Variants in AKR1B15 observed in about 807,000 individuals in gnomAD.
The protein encoded by AKR1B15 is estradiol 17-beta-dehydrogenase AKR1B15.
In AKR1B15, 49 loss-of-function variants were observed where a neutral mutation model predicts 38.5. The observed-to-expected ratio is 1.27, with a 90% CI of 1.01 to 1.62. The LOEUF (loss-of-function observed/expected upper bound fraction) is 1.62, where lower values mean the gene tolerates loss of function less well. AKR1B15 is among the 40% of genes most tolerant of loss of function. The probability of loss-of-function intolerance (pLI) is 0.00; values close to 1 mark genes in which losing one functional copy is unlikely to be tolerated. For synonymous variants in AKR1B15, 137 were observed against 135.5 expected, an observed-to-expected ratio of 1.01 and a Z score of -0.08; for missense variants, 411 against 381.6, an observed-to-expected ratio of 1.08 and a Z score of -0.64.
chr7:134,554,524 C>A (rs543040923), intron 1 of AKR1B15, among the ~76,000 whole-genome samples: 3 of 152,238 alleles, frequency 2.0e-5, no homozygotes, highest in African/African-American at 4.8e-5. Context: ...ATTTCAAGAT[C>A]CCCCACCTTC....
intron 1 of AKR1B15, among the ~76,000 whole-genome samples, chr7:134,556,427 C>T (rs367666663): frequency 6.6e-6 from 1 of 152,126 alleles, no homozygotes; most frequent in Non-Finnish European, 1.5e-5. Context: ...GTCATACGTG[C>T]CCCCATGCCC....
chr7:134,568,462 A>G, intron 4 of AKR1B15, 137 bp downstream of exon 4: 15 of 1,318,974 alleles, frequency 1.1e-5, no homozygotes, highest in Non-Finnish European at 1.6e-5. Context: ...ATCCGTGGAT[A>G]CAATACTATC....
chr7:134,551,315 G>A (rs6467536), intron 1 of AKR1B15, among the ~76,000 whole-genome samples: 63,620 of 151,906 alleles, frequency 0.42, 13,716 homozygotes, highest in Non-Finnish European at 0.45. Context: ...GGCAGTGGGC[G>A]TTGTGCTCCA....
intron 2 of AKR1B15, among the ~76,000 whole-genome samples, chr7:134,559,616 T>C (rs1794322420): frequency 2.0e-5 from 3 of 152,186 alleles, no homozygotes; most frequent in African/African-American, 7.2e-5. Flanking sequence ...CTTCGTTCAT[T>C]TTTCTTTGAC....
intron 6 of AKR1B15, among the ~76,000 whole-genome samples, chr7:134,575,078 A>G (rs1349201527): frequency 1.3e-5 from 2 of 152,216 alleles, no homozygotes; most frequent in African/African-American, 2.4e-5. Flanking sequence ...TAAGCTTACA[A>G]ATGTTGATTT....
chr7:134,569,665 C>T (rs1202104679), intron 5 of AKR1B15, 136 bp downstream of exon 5: 1 of 867,922 alleles, frequency 1.2e-6, no homozygotes, highest in Non-Finnish European at 1.8e-6. Context: ...TCTTAATTCC[C>T]CACATTAATG....
chr7:134,576,933 G>T (rs1484962489), intron 9 of AKR1B15, 30 bp from the exon 10 acceptor site: 1 of 1,590,736 alleles, frequency 6.3e-7, no homozygotes, highest in Admixed American at 1.7e-5. Context: ...TTGTAGCTGA[G>T]TGGAAACATG....
At chr7:134,572,097 G>T (rs1402759149) in intron 6 of AKR1B15, among the ~76,000 whole-genome samples, 1 of 152,074 alleles carries the variant, frequency 6.6e-6, no homozygotes, top group African/African-American at 2.4e-5. Flanking sequence ...TATCTTTCGG[G>T]GTGTGATAAA....
rs769748941 is a variant in AKR1B15, at chr7:134,576,419, A to T, written c.814A>T (p.Thr272Ser). ...GGAGATTGCTGCAAAGCACAAAAAA[A>T]CCACAGCCCAGGTACCATATTTTTA... ...IKEIAAKHKKTTAQVLIRFHI... is the reference protein window; with the variant it reads ...IKEIAAKHKKSTAQVLIRFHI... Residue 272 changes from threonine to serine, a missense_variant, in exon 9 of 12, where the codon ACC becomes TCC. Transcript: ENST00000457545. 1 of 1,614,110 alleles carries T rather than the reference A, an allele frequency of 6.2e-7. No homozygotes were observed. The highest frequency in any genetic ancestry group is 1.7e-5 in the Admixed American group (1 of 60,024).
rs1247706202 is a variant in AKR1B15 at position 134,575,419 on chromosome 7, G to C, written c.514-1G>C. On this transcript the variant is annotated splice_acceptor_variant, in intron 6 of 11. Transcript: ENST00000457545. LOFTEE classifies it high-confidence loss of function. ...CCATAAGGTATTCCTTTCTATGATAGGCCATGGAGGAGCTGGTGGACGAGG... is the reference window on the plus strand; with the variant it reads ...CCATAAGGTATTCCTTTCTATGATACGCCATGGAGGAGCTGGTGGACGAGG... 3.1e-6 allele frequency: 5 copies of C among 1,613,592 alleles called. No homozygotes were observed. Among genetic ancestry groups the C allele is most frequent in the Non-Finnish European group, 4.2e-6 (5 of 1,179,768 alleles).
chr7:134,556,405 A>T (rs1328271509), intron 1 of AKR1B15, among the ~76,000 whole-genome samples: 2 of 151,092 alleles, frequency 1.3e-5, no homozygotes, highest in Non-Finnish European at 3.0e-5. Flanking sequence ...CTCAAAATGG[A>T]CTCTCTTTCT....
chr7:134,571,486 C>T, intron 5 of AKR1B15, 118 bp from the exon 6 acceptor site: 1 of 769,762 alleles, frequency 1.3e-6, no homozygotes, highest in Non-Finnish European at 2.3e-6. Context: ...TACTCCAGAG[C>T]TTGAAAAAGT....
rs6467538 is a variant in AKR1B15, at chr7:134,579,534, C to T, written c.1020C>T (p.Phe340=). 0.34 allele frequency: 537,510 copies of T among 1,585,030 alleles called. 94,985 individuals are homozygous for T. Among genetic ancestry groups the T allele is most frequent in the African/African-American group, 0.52 (38,160 of 73,082 alleles). ...TCTCTCATTTGGAGGACTTTCCCTT[C>T]GATGCAGAATATTGAGGTTGAATCT... is the stretch of plus-strand genomic sequence containing the variant. The part of the protein sequence containing the change: ...KEFSHLEDFP[F]DAEY The change falls in exon 12 of 12, where the codon TTC becomes TTT. Residue 340 remains phenylalanine, a synonymous_variant. Transcript: ENST00000457545.
intron 2 of AKR1B15, among the ~76,000 whole-genome samples, chr7:134,563,852 C>T (rs546716627): frequency 1.5e-4 from 23 of 152,116 alleles, no homozygotes; most frequent in Non-Finnish European, 2.5e-4. Context: ...CGTTTCTAGC[C>T]GCTTACCACA....
intron 6 of AKR1B15, among the ~76,000 whole-genome samples, chr7:134,572,829 G>C (rs1794693930): frequency 6.6e-6 from 1 of 152,134 alleles, no homozygotes; most frequent in Admixed American, 6.5e-5. Flanking sequence ...AGATATAAAT[G>C]AACAGTGGCA....
At chr7:134,567,009 C>T (rs138741634) in intron 3 of AKR1B15, among the ~76,000 whole-genome samples, 3 of 152,284 alleles carry the variant, frequency 2.0e-5, no homozygotes, top group African/African-American at 7.2e-5. Flanking sequence ...ATGAAGGGAG[C>T]TGCCTTCAAC....
intron 2 of AKR1B15, among the ~76,000 whole-genome samples, chr7:134,558,713 T>C (rs1278216492): frequency 6.6e-6 from 1 of 152,200 alleles, no homozygotes; most frequent in African/African-American, 2.4e-5. Flanking sequence ...AAACGCTCTA[T>C]GGAATGCCCT....
At chr7:134,564,568 T>C in intron 2 of AKR1B15, 30 bp from the exon 3 acceptor site, 1 of 677,736 alleles carries the variant, frequency 1.5e-6, no homozygotes, top group Non-Finnish European at 2.7e-6. Flanking sequence ...CCTGTATTTT[T>C]AACCTCCTTG....
intron 2 of AKR1B15, among the ~76,000 whole-genome samples, chr7:134,557,109 A>G (rs1794224488): frequency 6.6e-6 from 1 of 152,104 alleles, no homozygotes; most frequent in South Asian, 2.1e-4. Flanking sequence ...AAGTAACACC[A>G]CCTTTCTCAT....
Sources: gnomAD v4.1 joint callset for allele counts (sites outside exome capture counted in the v4.1 genomes callset) on GRCh38, gnomAD v4.1.1 for gene constraint, MANE v1.5 for transcripts, NCBI Gene and HGNC (gene_info 2026-07-23, HGNC 2026-07-21) for gene names.